MEAK7: variants seen among roughly 807,000 people sequenced by gnomAD.
The protein encoded by MEAK7 is MTOR associated protein MEAK7, also known as MTOR-associated protein MEAK7.
MEAK7 carries 68 observed loss-of-function variants against 40.5 expected under a neutral mutation model. The observed-to-expected ratio is 1.68, with a 90% CI of 1.38 to 2.06. MEAK7 has a LOEUF of 2.06. MEAK7 is among the 30% of genes most tolerant of loss of function. The pLI, the probability that MEAK7 is intolerant of heterozygous loss-of-function variation, is 0.00. For missense variants in MEAK7, 918 were observed against 580.5 expected, an observed-to-expected ratio of 1.58 and a Z score of -5.98; for synonymous variants, 338 against 231.9, an observed-to-expected ratio of 1.46 and a Z score of -4.16.
chr16:84,491,840 A>C (rs1913644525), intron 3 of MEAK7, among the ~76,000 whole-genome samples: 1 of 151,754 alleles, frequency 6.6e-6, no homozygotes, highest in Admixed American at 6.6e-5. Context: ...CCGTCTCAAA[A>C]AAAAAAAAAA....
intron 3 of MEAK7, among the ~76,000 whole-genome samples, chr16:84,492,430 T>C (rs9929876): frequency 0.025 from 3,748 of 152,248 alleles, 178 homozygotes; most frequent in African/African-American, 0.086. Flanking sequence ...TTAGGGCTTA[T>C]TGTTTGGGAA....
At position 84,489,370 on chromosome 16, in the gene MEAK7, T is replaced by G; in HGVS notation, c.437A>C (p.Glu146Ala). 1 of 1,614,142 alleles carries G rather than the reference T, an allele frequency of 6.2e-7. No homozygotes were observed. Among genetic ancestry groups the G allele is most frequent in the East Asian group, 2.2e-5 (1 of 44,868 alleles). The change falls in exon 4 of 8, where the codon GAG (glutamate) becomes GCG (alanine). Residue 146 changes from glutamate (E) to alanine (A), a missense_variant. Physicochemically the swap from Glu to Ala is moderately radical, Grantham distance 107. Coordinates refer to ENST00000343629, the MANE Select transcript of MEAK7 (RefSeq NM_020947.4). ...TTCCTTCCCAGTCCAGCCTCTCAGC[T>G]CCTGTCTGTGGCTTAGCACGTGCAC... The part of the protein sequence containing the change: ...SVVHVLSHRQ[E>A]LRGWTGKEAP...
rs138461143 is a variant in MEAK7, at chr16:84,480,545, G to A, written c.1241C>T (p.Pro414Leu). ...DKMEVWAVGDPSEEQLAKGNK... is the reference protein window; with the variant it reads ...DKMEVWAVGDLSEEQLAKGNK... ...TCCACTCACCAACTGCTCCTCTGAG[G>A]GGTCTCCAACCGCCCACACCTCCAT... Residue 414 changes from proline (P) to leucine (L), a missense_variant, in exon 7 of 8, where the codon CCC (proline) becomes CTC (leucine). Coordinates refer to ENST00000343629, the MANE Select transcript of MEAK7 (RefSeq NM_020947.4). The A allele has an allele frequency of 2.0e-4, 324 of 1,611,568 alleles. 3 individuals are homozygous for A. The highest frequency in any genetic ancestry group is 4.6e-5 in the Non-Finnish European group (54 of 1,179,012).
At chr16:84,500,164 G>C (rs919175977) in intron 1 of MEAK7, 6 of 152,168 alleles carry the variant, frequency 3.9e-5, no homozygotes, top group Non-Finnish European at 7.3e-5. Context: ...TTTTATGGCT[G>C]ATTAGTATTT....
rs896725862 is a variant in MEAK7, at chr16:84,478,831, G to A, written c.*1082C>T. 3.3e-5 allele frequency: 5 copies of A among 152,250 alleles called. No homozygotes were observed. The highest frequency in any genetic ancestry group is 1.2e-4 in the African/African-American group (5 of 41,450). The allele number at this position is 152,250 out of a possible 1,614,324, so 9.4% of individuals were successfully genotyped here. On this transcript the variant is annotated 3_prime_UTR_variant, in exon 8 of 8. Transcript: ENST00000343629. ...TGGTTCCCAGAGATCTAGAACCCAG[G>A]CCAGCACCGAGGCCTAGACAGCTGT...
chr16:84,496,229 G>A (rs1399907811), intron 2 of MEAK7, among the ~76,000 whole-genome samples: 1 of 152,168 alleles, frequency 6.6e-6, no homozygotes, highest in Non-Finnish European at 1.5e-5. Context: ...CATCCATGGT[G>A]CCCTGCATTT....
intron 2 of MEAK7, 25 bp from the exon 3 acceptor site, chr16:84,495,938 T>C (rs747626134): frequency 1.7e-5 from 28 of 1,611,878 alleles, no homozygotes; most frequent in Admixed American, 6.7e-5. Context: ...CAGAAAAATA[T>C]GGTTAGACAG....
chr16:84,499,359 C>A (rs903079403), intron 1 of MEAK7, among the ~76,000 whole-genome samples: 5 of 152,120 alleles, frequency 3.3e-5, no homozygotes, highest in African/African-American at 1.2e-4. Context: ...ACACAGGCAC[C>A]TTGATAAACA....
chr16:84,494,736 T>G, intron 3 of MEAK7: 1 of 430,418 alleles, frequency 2.3e-6, no homozygotes, highest in Non-Finnish European at 4.6e-6. Context: ...CCTAAAAACA[T>G]ATCTGACTAG....
chr16:84,482,176 A>C (rs113528319), intron 6 of MEAK7, among the ~76,000 whole-genome samples: 7,414 of 152,162 alleles, frequency 0.049, 428 homozygotes, highest in African/African-American at 0.14. Context: ...GGTCACCCCA[A>C]CTGGGGCCCC....
chr16:84,478,852 G>T lies in MEAK7; in HGVS notation c.*1061C>A, dbSNP rs902657261. On this transcript the variant is annotated 3_prime_UTR_variant, in exon 8 of 8. Transcript: ENST00000343629. The stretch of plus-strand genomic sequence containing the variant: ...CCAGGCCAGCACCGAGGCCTAGACA[G>T]CTGTGACTCAGGTGCTGGTTCCCAG... The T allele has an allele frequency of 6.6e-6, 1 of 152,252 alleles. No homozygotes were observed. Among genetic ancestry groups the T allele is most frequent in the African/African-American group, 2.4e-5 (1 of 41,468 alleles). 9.4% of individuals were successfully genotyped at this position (152,252 alleles called of 1,614,324 possible). A position where few individuals can be genotyped will look rare whatever the true frequency, so the allele number is the denominator to read the frequency against.
At position 84,486,826 on chromosome 16, in the gene MEAK7, T is replaced by G. The variant is rs1597936790; in HGVS notation, c.763A>C (p.Asn255His). 1.2e-6 allele frequency: 2 copies of G among 1,613,898 alleles called. No individual in the cohort carries two copies. Among genetic ancestry groups the G allele is most frequent in the African/African-American group, 2.7e-5 (2 of 74,912 alleles). ...ILDVLSVMYI[N>H]AQLPREQRHR... The stretch of plus-strand genomic sequence containing the variant: ...CGCTGCTCCCGAGGCAGCTGGGCGT[T>G]GATGTACATGACAGAGAGGACATCC... The change falls in exon 5 of 8, where the codon AAC becomes CAC. Residue 255 changes from asparagine to histidine, a missense_variant. Asn to His is a moderately conservative substitution (Grantham distance 68, BLOSUM62 1). Coordinates refer to ENST00000343629, the MANE Select transcript of MEAK7 (RefSeq NM_020947.4).
At chr16:84,503,360 A>C (rs113780297) in intron 1 of MEAK7, among the ~76,000 whole-genome samples, 14 of 152,090 alleles carry the variant, frequency 9.2e-5, no homozygotes, top group African/African-American at 4.8e-5. Flanking sequence ...ACTGCTAGGT[A>C]AGCTTACCCA....
At chr16:84,484,315 C>T (rs1202398325) in intron 5 of MEAK7, among the ~76,000 whole-genome samples, 1 of 152,200 alleles carries the variant, frequency 6.6e-6, no homozygotes, top group Non-Finnish European at 1.5e-5. Flanking sequence ...ATCTCATTCC[C>T]ATAAAACAAT....
intron 5 of MEAK7, chr16:84,485,998 T>A (rs1224186065): frequency 2.0e-5 from 3 of 151,976 alleles, no homozygotes; most frequent in South Asian, 4.2e-4. Context: ...TTTTTTTTTT[T>A]TTTTTAAGAT....
rs747347640 is a variant in MEAK7 at position 84,503,412 on chromosome 16, A to G, written c.-26+1189T>C. ...CCTGATGTTTCCTCAGTCATCTTCCATCCACTGATCCCCACCCTGCTTCCT... is the reference window on the plus strand; with the variant it reads ...CCTGATGTTTCCTCAGTCATCTTCCGTCCACTGATCCCCACCCTGCTTCCT... On this transcript the variant is annotated intron_variant, in intron 1 of 7. Coordinates refer to ENST00000343629, the MANE Select transcript of MEAK7 (RefSeq NM_020947.4). Among the ~76,000 whole-genome samples, 127 of 152,148 alleles carry G rather than the reference A, an allele frequency of 8.3e-4. 1 individual carries two copies. Among genetic ancestry groups the G allele is most frequent in the Non-Finnish European group, 1.7e-3 (116 of 67,998 alleles).
At chr16:84,495,516 T>G in intron 3 of MEAK7, 167 bp downstream of exon 3, 1 of 649,902 alleles carries the variant, frequency 1.5e-6, no homozygotes, top group South Asian at 1.9e-5. Context: ...CAGGCCTCTC[T>G]CCCAGACATG....
chr16:84,483,034 T>A (rs1391691540), intron 5 of MEAK7, among the ~76,000 whole-genome samples: 1 of 152,158 alleles, frequency 6.6e-6, no homozygotes, highest in African/African-American at 2.4e-5. Flanking sequence ...AGAGCAGGCT[T>A]CCTTTAGCTT....
intron 3 of MEAK7, among the ~76,000 whole-genome samples, chr16:84,492,684 C>T (rs941059051): frequency 9.2e-5 from 14 of 152,150 alleles, no homozygotes; most frequent in Non-Finnish European, 1.3e-4. Context: ...CGAGTTCAAG[C>T]GATTCTCCTG....
Sources: gnomAD v4.1 joint callset for allele counts (sites outside exome capture counted in the v4.1 genomes callset) on GRCh38, gnomAD v4.1.1 for gene constraint, MANE v1.5 for transcripts, NCBI Gene and HGNC (gene_info 2026-07-23, HGNC 2026-07-21) for gene names.